ZNF573: variants seen among roughly 807,000 people sequenced by gnomAD.
ZNF573 encodes the protein zinc finger protein 573.
In ZNF573, 41 loss-of-function variants were observed where a neutral mutation model predicts 57.4. That is an observed-to-expected ratio of 0.71 (90% CI 0.56 to 0.93). The LOEUF (loss-of-function observed/expected upper bound fraction) is 0.93, where lower values mean the gene tolerates loss of function less well. Ranked by LOEUF, ZNF573 falls within the 40% of genes least tolerant of loss-of-function variation. The pLI is 0.00. For missense variants in ZNF573, 730 were observed against 794.8 expected, an observed-to-expected ratio of 0.92 and a Z score of 0.98; for synonymous variants, 249 against 261.0, an observed-to-expected ratio of 0.95 and a Z score of 0.44.
chr19:37,768,009 T>G (rs1237555963), intron 4 of ZNF573, among the ~76,000 whole-genome samples: 1 of 152,184 alleles, frequency 6.6e-6, no homozygotes, highest in Non-Finnish European at 1.5e-5. Flanking sequence ...AACTCTCTCC[T>G]TGTTTAGAAA....
chr19:37,741,113 C>G (rs746760920), intron 4 of ZNF573, among the ~76,000 whole-genome samples: 2 of 152,190 alleles, frequency 1.3e-5, no homozygotes, highest in Non-Finnish European at 2.9e-5. Context: ...TTTAACTGCT[C>G]AAGAGTCCTT....
intron 4 of ZNF573, among the ~76,000 whole-genome samples, chr19:37,761,334 A>G (rs901206353): frequency 1.3e-5 from 2 of 152,172 alleles, no homozygotes; most frequent in African/African-American, 4.8e-5. Flanking sequence ...AAATAATACC[A>G]CAAAATGAAG....
rs1454845176 is a variant in ZNF573 at position 37,739,572 on chromosome 19, T to A, written c.918A>T (p.Lys306Asn). 6.2e-7 allele frequency: 1 copy of A among 1,613,594 alleles called. No individual in the cohort carries two copies. Reference sequence around the variant, plus strand: ...GACCTCTTCTAAAGGCCTTTCCACATTTCTCACATATGTATGGCTTCTCAT... The same window carrying A: ...GACCTCTTCTAAAGGCCTTTCCACAATTCTCACATATGTATGGCTTCTCAT... ...HTDEKPYICE[K>N]CGKAFRRGHQ... Residue 306 changes from lysine (K) to asparagine (N), a missense_variant, in exon 5 of 5, where the codon AAA (lysine) becomes AAT (asparagine). Lys to Asn is a moderately conservative substitution (Grantham distance 94). Transcript: ENST00000536220.
At chr19:37,766,981 C>T (rs1403564177) in intron 4 of ZNF573, among the ~76,000 whole-genome samples, 1 of 152,170 alleles carries the variant, frequency 6.6e-6, no homozygotes, top group African/African-American at 2.4e-5. Flanking sequence ...TATACTATAA[C>T]TTTAAAGCAA....
intron 4 of ZNF573, among the ~76,000 whole-genome samples, chr19:37,766,184 A>C (rs528462437): frequency 6.6e-6 from 1 of 152,380 alleles, no homozygotes; most frequent in South Asian, 2.1e-4. Context: ...GAATTAGAAT[A>C]TGACCATTTT....
rs971297420 is a variant in ZNF573, at chr19:37,771,583, A to G, written c.183T>C (p.Tyr61=). The change falls in exon 3 of 5, where the codon TAT becomes TAC. Residue 61 remains tyrosine (Y), a synonymous_variant. Coordinates refer to ENST00000536220, the MANE Select transcript of ZNF573 (RefSeq NM_001172690.2). ...ACTTACCCAGTGATACCAGGTTTCT[A>G]TAGTTCTCCAACATCACATCCCTGT... The part of the protein sequence containing the change: ...DLYRDVMLEN[Y]RNLVSLGGHS... 1.9e-6 allele frequency: 3 copies of G among 1,609,906 alleles called. No individual in the cohort carries two copies. The highest frequency in any genetic ancestry group is 1.3e-5 in the African/African-American group (1 of 74,460).
intron 4 of ZNF573, among the ~76,000 whole-genome samples, chr19:37,762,492 C>A (rs2045561783): frequency 6.6e-6 from 1 of 151,982 alleles, no homozygotes; most frequent in Admixed American, 6.6e-5. Context: ...GAATGGGAAT[C>A]CCATTCTGCA....
At chr19:37,746,966 A>T (rs2045389704) in intron 4 of ZNF573, among the ~76,000 whole-genome samples, 1 of 152,196 alleles carries the variant, frequency 6.6e-6, no homozygotes, top group South Asian at 2.1e-4. Context: ...CACGGGAGGG[A>T]GAAAACAAAA....
At chr19:37,764,041 C>T (rs975088614) in intron 4 of ZNF573, among the ~76,000 whole-genome samples, 4 of 131,484 alleles carry the variant, frequency 3.0e-5, no homozygotes, top group Non-Finnish European at 6.2e-5. Flanking sequence ...CCAGCCAGGG[C>T]GACAAGAGCG....
chr19:37,756,934 A>T (rs1568419863), intron 4 of ZNF573, among the ~76,000 whole-genome samples: 1 of 152,004 alleles, frequency 6.6e-6, no homozygotes, highest in Non-Finnish European at 1.5e-5. Context: ...AAAATATGAA[A>T]TGTATGGAGA....
intron 4 of ZNF573, among the ~76,000 whole-genome samples, chr19:37,746,101 T>A (rs1229835000): frequency 1.3e-5 from 2 of 152,208 alleles, no homozygotes; most frequent in Non-Finnish European, 2.9e-5. Context: ...AAATCAATAC[T>A]GCAAAGATAA....
chr19:37,742,846 G>A (rs950321930), intron 4 of ZNF573, among the ~76,000 whole-genome samples: 12 of 152,154 alleles, frequency 7.9e-5, no homozygotes, highest in African/African-American at 2.7e-4. Context: ...TTAAACCAAA[G>A]ACCTTCTGCA....
intron 4 of ZNF573, among the ~76,000 whole-genome samples, chr19:37,752,401 A>G (rs2045446734): frequency 6.6e-6 from 1 of 152,198 alleles, no homozygotes; most frequent in Admixed American, 6.6e-5. Context: ...AATAGGATGG[A>G]ATAGAATATT....
In ZNF573 at chr19:37,738,660, A is replaced by G. The variant is rs1225038830; in HGVS notation, c.1830T>C (p.Tyr610=). ...AGGCCTTCCCACATTCTTTACATTC[A>G]TAAGGTTTTCCACCAGTATGAATTT... ...HQKIHTGGKP[Y]ECKECGKAFS... is the part of the protein sequence containing the mutation. The change falls in exon 5 of 5, where the codon TAT becomes TAC. Residue 610 remains tyrosine, a synonymous_variant. Transcript: ENST00000536220. 2 of 1,611,546 alleles carry G rather than the reference A, an allele frequency of 1.2e-6. No homozygotes were observed. The highest frequency in any genetic ancestry group is 1.7e-6 in the Non-Finnish European group (2 of 1,179,146).
intron 4 of ZNF573, among the ~76,000 whole-genome samples, chr19:37,765,270 G>A (rs2145318898): frequency 6.6e-6 from 1 of 152,256 alleles, no homozygotes; most frequent in East Asian, 1.9e-4. Flanking sequence ...ACTTCTAGAG[G>A]CTAGACTGTG....
intron 1 of ZNF573, among the ~76,000 whole-genome samples, chr19:37,776,225 C>T (rs1017443392): frequency 3.9e-5 from 6 of 152,162 alleles, no homozygotes; most frequent in Non-Finnish European, 8.8e-5. Context: ...CATTCCCTGA[C>T]TTCAAACTAT....
intron 4 of ZNF573, among the ~76,000 whole-genome samples, chr19:37,761,270 G>A (rs1251171789): frequency 6.6e-6 from 1 of 152,290 alleles, no homozygotes; most frequent in East Asian, 1.9e-4. Context: ...GGATCAGGGG[G>A]TGTAAAAGTT....
intron 4 of ZNF573, among the ~76,000 whole-genome samples, chr19:37,766,558 C>T (rs569891092): frequency 1.3e-5 from 2 of 152,336 alleles, no homozygotes; most frequent in African/African-American, 4.8e-5. Context: ...GCTGTTTCCA[C>T]TAATTCTCCA....
chr19:37,771,679 T>C lies in ZNF573; in HGVS notation c.87A>G (p.Thr29=), dbSNP rs757418640. 2 of 1,593,106 alleles carry C rather than the reference T, an allele frequency of 1.3e-6. No homozygotes were observed. The highest frequency in any genetic ancestry group is 4.6e-5 in the East Asian group (2 of 43,534). Reference sequence around the variant, plus strand: ...AGAAGTCTATGGCCACATCCCTGAATGTCACTAATTCCTGAAACTGCAAAC... The same window carrying C: ...AGAAGTCTATGGCCACATCCCTGAACGTCACTAATTCCTGAAACTGCAAAC... The part of the protein sequence containing the change: ...KTMTCFQELV[T]FRDVAIDFSR... Residue 29 remains threonine (T), a synonymous_variant, in exon 3 of 5, where the codon ACA becomes ACG. Transcript: ENST00000536220.
Sources: gnomAD v4.1 joint callset for allele counts (sites outside exome capture counted in the v4.1 genomes callset) on GRCh38, gnomAD v4.1.1 for gene constraint, MANE v1.5 for transcripts, NCBI Gene and HGNC (gene_info 2026-07-23, HGNC 2026-07-21) for gene names.